DOCK3: variants seen among roughly 807,000 people sequenced by gnomAD.
DOCK3 encodes dedicator of cytokinesis 3.
Under a neutral mutation model 265.6 loss-of-function variants are expected in DOCK3, and 60 were observed. The ratio of observed to expected loss-of-function variants is 0.23; its 90% CI spans 0.18 to 0.28. The LOEUF (loss-of-function observed/expected upper bound fraction) is 0.28. DOCK3 is among the 10% of genes least tolerant of loss of function. The pLI is 1.00. For missense variants in DOCK3, 1,981 were observed against 2,594.3 expected, an observed-to-expected ratio of 0.76 and a Z score of 5.14; for synonymous variants, 881 against 938.0, an observed-to-expected ratio of 0.94 and a Z score of 1.11.
intron 51 of DOCK3, 114 bp from the exon 52 acceptor site, chr3:51,380,011 G>A: frequency 1.1e-6 from 1 of 917,622 alleles, no homozygotes; most frequent in Non-Finnish European, 1.6e-6. Flanking sequence ...CCTCAATGCT[G>A]AGGGGTCCCC....
chr3:50,804,681 T>C (rs984241599), intron 2 of DOCK3, among the ~76,000 whole-genome samples: 11 of 147,216 alleles, frequency 7.5e-5, no homozygotes, highest in Non-Finnish European at 1.5e-4. Flanking sequence ...TGAGCCAAGA[T>C]GGCGGCACTA....
chr3:51,024,992 C>T (rs1422556992), intron 5 of DOCK3, among the ~76,000 whole-genome samples: 1 of 152,164 alleles, frequency 6.6e-6, no homozygotes, highest in Non-Finnish European at 1.5e-5. Flanking sequence ...GTGTCAAGAT[C>T]TGTGTTGGTT....
intron 5 of DOCK3, among the ~76,000 whole-genome samples, chr3:50,935,133 A>G (rs1376943860): frequency 6.6e-6 from 1 of 152,186 alleles, no homozygotes; most frequent in Non-Finnish European, 1.5e-5. Context: ...ACCAACAAAC[A>G]AAAGAAAATT....
chr3:51,151,484 A>G (rs1183059329), intron 10 of DOCK3, among the ~76,000 whole-genome samples: 1 of 152,202 alleles, frequency 6.6e-6, no homozygotes, highest in African/African-American at 2.4e-5. Context: ...CACTGTCAAT[A>G]TTAGACAGAT....
chr3:51,080,153 A>G (rs992256473), intron 7 of DOCK3, among the ~76,000 whole-genome samples: 1 of 152,210 alleles, frequency 6.6e-6, no homozygotes, highest in Admixed American at 6.5e-5. Context: ...CCCAACCTAT[A>G]TAGCAGGCAA....
intron 32 of DOCK3, among the ~76,000 whole-genome samples, chr3:51,329,118 A>G (rs578213314): frequency 1.3e-5 from 2 of 152,312 alleles, no homozygotes; most frequent in African/African-American, 2.4e-5. Flanking sequence ...GCGCCTGTGC[A>G]CTCCAGCCTG....
At position 51,383,155 on chromosome 3, in the gene DOCK3, G is replaced by T. The variant is rs1350517130; in HGVS notation, c.*1596G>T. ...AGACAGTAAAGGCCATGGTCAGTGT[G>T]TTTTTCTCTTGTAAACAAACCCCAG... On this transcript the variant is annotated 3_prime_UTR_variant, in exon 53 of 53. Transcript: ENST00000266037. The T allele has an allele frequency of 6.6e-6, 1 of 152,250 alleles. No homozygotes were observed. Among genetic ancestry groups the T allele is most frequent in the Non-Finnish European group, 1.5e-5 (1 of 68,024 alleles). 9.4% of individuals were successfully genotyped at this position (152,250 alleles called of 1,614,324 possible).
At chr3:51,069,848 A>G (rs1181609477) in intron 6 of DOCK3, among the ~76,000 whole-genome samples, 1 of 152,220 alleles carries the variant, frequency 6.6e-6, no homozygotes, top group African/African-American at 2.4e-5. Flanking sequence ...GCCAGGATCT[A>G]GAAAGGTTTA....
Position 51,374,273 on chromosome 3 carries a change from G to A in DOCK3, c.5294-196G>A, listed in dbSNP as rs765910156. Among the ~76,000 whole-genome samples the A allele has an allele frequency of 2.0e-4, 30 of 152,282 alleles. No homozygotes were observed. Among genetic ancestry groups the A allele is most frequent in the Non-Finnish European group, 2.5e-4 (17 of 68,022 alleles). On this transcript the variant is annotated intron_variant, in intron 49 of 52. Transcript: ENST00000266037. The surrounding 1 kb of genome is among the most constrained non-coding windows in gnomAD (Gnocchi z 4.8). ...ACCAGCCTGCTGTATGTCAGCCTTG[G>A]CTGGGACATGAGGTGCAGCCACTGC... is the stretch of plus-strand genomic sequence containing the variant.
chr3:51,151,944 A>T (rs998609321), intron 10 of DOCK3, among the ~76,000 whole-genome samples: 2 of 152,010 alleles, frequency 1.3e-5, no homozygotes, highest in Non-Finnish European at 2.9e-5. Context: ...CCTTCATTTC[A>T]ACTTTGGTGA....
intron 5 of DOCK3, among the ~76,000 whole-genome samples, chr3:51,058,227 C>T (rs2081272675): frequency 6.6e-6 from 1 of 152,160 alleles, no homozygotes; most frequent in Non-Finnish European, 1.5e-5. Flanking sequence ...TGAGAACTGG[C>T]CTAGCTCACT....
chr3:51,026,704 A>G (rs1220457602), intron 5 of DOCK3, among the ~76,000 whole-genome samples: 1 of 151,966 alleles, frequency 6.6e-6, no homozygotes, highest in Admixed American at 6.6e-5. Flanking sequence ...TTCCTGGTTC[A>G]GTCTTGGGAT....
chr3:51,182,097 G>A (rs1461069059), intron 12 of DOCK3, among the ~76,000 whole-genome samples: 2 of 152,088 alleles, frequency 1.3e-5, no homozygotes, highest in African/African-American at 4.8e-5. Flanking sequence ...CTTTTACTTA[G>A]TAGTCACAGA....
chr3:51,044,130 A>G (rs763731491), intron 5 of DOCK3, among the ~76,000 whole-genome samples: 5 of 152,194 alleles, frequency 3.3e-5, no homozygotes, highest in Non-Finnish European at 5.9e-5. Flanking sequence ...TGCATATGTT[A>G]TGTTCATTGT....
At chr3:51,259,817 G>C (rs1360165592) in intron 22 of DOCK3, among the ~76,000 whole-genome samples, 2 of 151,474 alleles carry the variant, frequency 1.3e-5, no homozygotes, top group African/African-American at 4.8e-5. Flanking sequence ...TTCCAGACCT[G>C]AAAAAAAATA....
At chr3:51,008,419 GCT>G (rs1189014426) in intron 5 of DOCK3, among the ~76,000 whole-genome samples, 1 of 152,096 alleles carries the variant, frequency 6.6e-6, no homozygotes, top group African/African-American at 2.4e-5. Context: ...TCGTGATTTG[GCT>G]CTCTGTTTGT....
intron 5 of DOCK3, among the ~76,000 whole-genome samples, chr3:51,026,433 G>GTTTTTTTTTTTTTTTT (rs34722593): frequency 5.0e-5 from 7 of 140,224 alleles, no homozygotes; most frequent in African/African-American, 5.2e-5. Flanking sequence ...TTGGCCTGTA[G>GTTTTTTTTTTTTTTTT]TTTTTTTTTT....
At chr3:50,982,987 G>A (rs531591387) in intron 5 of DOCK3, among the ~76,000 whole-genome samples, 1 of 152,326 alleles carries the variant, frequency 6.6e-6, no homozygotes, top group East Asian at 1.9e-4. Flanking sequence ...AAGGGTTTCT[G>A]CTCTCACTGC....
intron 5 of DOCK3, among the ~76,000 whole-genome samples, chr3:51,035,077 C>A (rs572942970): frequency 5.2e-4 from 79 of 151,978 alleles, no homozygotes; most frequent in Non-Finnish European, 1.0e-3. Flanking sequence ...ATTCATTGAG[C>A]TTATTATTGA....
Sources: gnomAD v4.1 joint callset for allele counts (sites outside exome capture counted in the v4.1 genomes callset) on GRCh38, gnomAD v4.1.1 for gene constraint, Gnocchi (gnomAD v3.1) non-coding constraint, MANE v1.5 for transcripts, NCBI Gene and HGNC (gene_info 2026-07-23, HGNC 2026-07-21) for gene names.